Variants in SRSF1 observed in about 807,000 individuals in gnomAD.
SRSF1 encodes the protein serine and arginine rich splicing factor 1.
In SRSF1, 1 loss-of-function variant was observed where a neutral mutation model predicts 25.9. The observed-to-expected ratio is 0.04, with a 90% CI of 0.01 to 0.18. The LOEUF (loss-of-function observed/expected upper bound fraction) is 0.18. SRSF1 is among the 10% of genes least tolerant of loss of function. SRSF1 has a pLI of 1.00. For synonymous variants in SRSF1, 132 were observed against 126.2 expected (o/e 1.05, Z -0.31); for missense variants, 65 against 350.5 (o/e 0.19, Z 6.50).
chr17:58,006,179 G>A (rs1180572727), intron 2 of SRSF1, 164 bp downstream of exon 2: 4 of 1,032,932 alleles, frequency 3.9e-6, no homozygotes, highest in Non-Finnish European at 5.6e-6. Context: ...ACCTAATTTG[G>A]TAAATCACCA....
Position 58,005,606 on chromosome 17 carries a change from G to A in SRSF1, c.553-6C>T, listed in dbSNP as rs2143482891. The A allele has an allele frequency of 1.2e-6, 2 of 1,613,586 alleles. No homozygotes were observed. Among genetic ancestry groups the A allele is most frequent in the Non-Finnish European group, 1.7e-6 (2 of 1,179,700 alleles). On this transcript the variant is annotated splice_region_variant and splice_polypyrimidine_tract_variant and intron_variant, in intron 3 of 3. Transcript: ENST00000258962. This position sits in a 1 kb window ranked among gnomAD's most constrained non-coding sequence, Gnocchi z 5.2. ...CGGATGTAGGCAGTTTCTCCCTATT[G>A]GATAGACAGAACTTTCCATTGAAAG...
rs770450077 is a variant in SRSF1 at position 58,007,171 on chromosome 17, C to A, written c.-34G>T. On this transcript the variant is annotated 5_prime_UTR_variant, in exon 1 of 4. Transcript: ENST00000258962. ...CGAAAAGCGCGGACTCGAGAACAGG[C>A]CTTCCCACCAAGCCTAGCGCACGGC... is the stretch of plus-strand genomic sequence containing the variant. 12 of 1,610,698 alleles carry A rather than the reference C, an allele frequency of 7.5e-6. No homozygotes were observed. The East Asian group carries it at 2.2e-4, about 30-fold the overall frequency.
chr17:58,006,256 T>G, intron 2 of SRSF1, 87 bp downstream of exon 2: 2 of 1,463,604 alleles, frequency 1.4e-6, no homozygotes, highest in Non-Finnish European at 1.8e-6. Context: ...GCATGAAAAA[T>G]TTGCAATTAT....
Position 58,003,383 on chromosome 17 carries a change from T to C in SRSF1, c.*2023A>G, listed in dbSNP as rs2075406100. ...GATTGCCTTTTAAGAACTTTTAATTTGCTAACACATTAACACAAGAGTCAA... is the reference window on the plus strand; with the variant it reads ...GATTGCCTTTTAAGAACTTTTAATTCGCTAACACATTAACACAAGAGTCAA... On this transcript the variant is annotated 3_prime_UTR_variant, in exon 4 of 4. Transcript: ENST00000258962. 1.3e-5 allele frequency: 2 copies of C among 152,236 alleles called. No homozygotes were observed. Among genetic ancestry groups the C allele is most frequent in the Non-Finnish European group, 2.9e-5 (2 of 68,040 alleles). The allele number at this position is 152,236 out of a possible 1,614,324, so 9.4% of individuals were successfully genotyped here. A position where few individuals can be genotyped will look rare whatever the true frequency, so the allele number is the denominator to read the frequency against.
At chr17:57,992,865 A>T in the SRSF1 span, 1 of 152,188 alleles carries the variant, frequency 6.6e-6, no homozygotes, top group African/African-American at 2.4e-5. Flanking sequence ...TGAATAATGA[A>T]AACAGGTGTT....
In SRSF1 at chr17:58,005,252, G is replaced by T; in HGVS notation, c.*154C>A. 1 of 733,640 alleles carries T rather than the reference G, an allele frequency of 1.4e-6. No individual in the cohort carries two copies. The highest frequency in any genetic ancestry group is 2.2e-6 in the Non-Finnish European group (1 of 448,838). 45.4% of individuals were successfully genotyped at this position (733,640 alleles called of 1,614,324 possible). A position where few individuals can be genotyped will look rare whatever the true frequency, so the allele number is the denominator to read the frequency against. On this transcript the variant is annotated 3_prime_UTR_variant, in exon 4 of 4. Transcript: ENST00000258962. The surrounding 1 kb of genome is among the most constrained non-coding windows in gnomAD (Gnocchi z 5.2). ...AATTTATCAAAGACACGAAGGGAAT[G>T]TAGATGTTAGGAGCAAGGGGATATT...
the SRSF1 span, chr17:57,989,398 T>A: frequency 2.5e-6 from 1 of 398,000 alleles, no homozygotes; most frequent in South Asian, 1.4e-4. Flanking sequence ...GAAAAAATTC[T>A]TCAGATGGAC....
At chr17:58,006,291 T>C (rs1468916330) in intron 2 of SRSF1, 52 bp downstream of exon 2, 1 of 1,539,788 alleles carries the variant, frequency 6.5e-7, no homozygotes, top group Non-Finnish European at 8.7e-7. Context: ...AAGAGAAAAA[T>C]TTTAGGTAGT....
chr17:57,995,675 G>C, the SRSF1 span, among the ~76,000 whole-genome samples: 1 of 152,194 alleles, frequency 6.6e-6, no homozygotes, highest in Non-Finnish European at 1.5e-5. Flanking sequence ...TTTTCTCCCC[G>C]AGGCCTCCCA....
rs770833120 is a variant in SRSF1 at position 58,005,359 on chromosome 17, G to A, written c.*47C>T. ...AATGAAAAGATTGTACTGAATAAAG[G>A]AAAACTGTATACAACATGGGTTCTA... On this transcript the variant is annotated 3_prime_UTR_variant, in exon 4 of 4. Transcript: ENST00000258962. This position sits in a 1 kb window ranked among gnomAD's most constrained non-coding sequence, Gnocchi z 5.2. 2.5e-6 allele frequency: 4 copies of A among 1,596,886 alleles called. No individual in the cohort carries two copies. The highest frequency in any genetic ancestry group is 2.2e-5 in the East Asian group (1 of 44,598).
chr17:58,006,354 A>G lies in SRSF1; in HGVS notation c.368T>C (p.Val123Ala). 1 of 1,611,764 alleles carries G rather than the reference A, an allele frequency of 6.2e-7. No homozygotes were observed. Among genetic ancestry groups the G allele is most frequent in the Non-Finnish European group, 8.5e-7 (1 of 1,179,286 alleles). ...GPPSRRSENR[V>A]VVSGLPPSGS... Reference sequence around the variant, plus strand: ...ACCAGTACACTCACCAGAGACAACCACTCTGTTTTCAGACCGCCTGGATGG... The same window carrying G: ...ACCAGTACACTCACCAGAGACAACCGCTCTGTTTTCAGACCGCCTGGATGG... Residue 123 changes from valine to alanine, a missense_variant, in exon 2 of 4, where the codon GTG becomes GCG. Around this residue, in one of 2 missense-constraint regions of SRSF1, gnomAD observed 63 missense variants for 284.8 expected, o/e 0.22. Coordinates refer to ENST00000258962, the MANE Select transcript of SRSF1 (RefSeq NM_006924.5).
chr17:58,006,739 C>T, intron 1 of SRSF1: 1 of 875,048 alleles, frequency 1.1e-6, no homozygotes, highest in Non-Finnish European at 1.7e-6. Context: ...CTCCAGCCTG[C>T]GAATGGGCTC....
the SRSF1 span, chr17:57,993,527 C>T: frequency 6.6e-6 from 1 of 152,246 alleles, no homozygotes; most frequent in Non-Finnish European, 1.5e-5. Flanking sequence ...ACTCTTTAAG[C>T]TGTGAATAAC....
At chr17:57,995,542 G>A in the SRSF1 span, among the ~76,000 whole-genome samples, 1 of 152,210 alleles carries the variant, frequency 6.6e-6, no homozygotes, top group African/African-American at 2.4e-5. Context: ...ACTGTGACTA[G>A]ATGTAGTCCT....
downstream of SRSF1, among the ~76,000 whole-genome samples, chr17:57,999,634 T>G (rs907750775): frequency 6.6e-6 from 1 of 152,228 alleles, no homozygotes; most frequent in African/African-American, 2.4e-5. Context: ...TTGTTCTATG[T>G]ATCTATAATG....
the SRSF1 span, chr17:57,993,026 A>G: frequency 6.6e-6 from 1 of 152,274 alleles, no homozygotes; most frequent in East Asian, 1.9e-4. Flanking sequence ...CAAGGCCTAG[A>G]TAAGATCTGG....
intron 2 of SRSF1, 21 bp downstream of exon 2, chr17:58,006,322 C>T (rs1362546427): frequency 1.3e-6 from 2 of 1,588,172 alleles, no homozygotes; most frequent in Non-Finnish European, 1.7e-6. Context: ...TCACATCAAT[C>T]CACACAACCA....
In SRSF1 at chr17:58,004,985, A is replaced by C. The variant is rs1442848493; in HGVS notation, c.*421T>G. On this transcript the variant is annotated 3_prime_UTR_variant, in exon 4 of 4. Transcript: ENST00000258962. ...CCTTTTGACAATCCTAAAATGATTGAAATGTGCTCCACAATCCTTAATCCA... is the reference window on the plus strand; with the variant it reads ...CCTTTTGACAATCCTAAAATGATTGCAATGTGCTCCACAATCCTTAATCCA... 1 of 412,408 alleles carries C rather than the reference A, an allele frequency of 2.4e-6. No individual in the cohort carries two copies. Among genetic ancestry groups the C allele is most frequent in the Admixed American group, 4.0e-5 (1 of 24,972 alleles). The allele number at this position is 412,408 out of a possible 1,614,324, so 25.5% of individuals were successfully genotyped here. A position where few individuals can be genotyped will look rare whatever the true frequency, so the allele number is the denominator to read the frequency against.
chr17:57,999,476 T>G (rs902687086), downstream of SRSF1, among the ~76,000 whole-genome samples: 1 of 152,182 alleles, frequency 6.6e-6, no homozygotes, highest in South Asian at 2.1e-4. Context: ...AGGTAAACTC[T>G]GAAAACCTAA....
Sources: allele counts gnomAD v4.1 joint callset (sites outside exome capture counted in the v4.1 genomes callset), GRCh38; gene constraint gnomAD v4.1.1; regional missense constraint gnomAD v4.1.1; non-coding constraint Gnocchi (gnomAD v3.1); transcripts MANE v1.5; gene names NCBI Gene and HGNC (gene_info 2026-07-23, HGNC 2026-07-21).